NUP210L: variants seen among roughly 807,000 people sequenced by gnomAD.
NUP210L encodes the protein nucleoporin 210 like.
NUP210L carries 74 observed loss-of-function variants against 208.5 expected under a neutral mutation model. That is an observed-to-expected ratio of 0.35 (90% CI 0.29 to 0.43). The LOEUF (loss-of-function observed/expected upper bound fraction) is 0.43. Among genes scored for constraint, NUP210L ranks in the 20% least tolerant of loss-of-function variants. The probability of loss-of-function intolerance (pLI) is 1.00; values close to 1 mark genes in which losing one functional copy is unlikely to be tolerated. For missense variants in NUP210L, 1,843 were observed against 2,289.4 expected (o/e 0.81, Z 3.98); for synonymous variants, 780 against 816.9 (o/e 0.95, Z 0.77).
At chr1:154,069,250 T>C (rs1329130937) in intron 17 of NUP210L, among the ~76,000 whole-genome samples, 2 of 151,928 alleles carry the variant, frequency 1.3e-5, no homozygotes, top group Middle Eastern at 3.2e-3. Context: ...ACCATCAGAG[T>C]GAACAGGCAA....
chr1:154,027,133 A>G (rs1651941973), intron 29 of NUP210L, among the ~76,000 whole-genome samples: 1 of 151,570 alleles, frequency 6.6e-6, no homozygotes, highest in African/African-American at 2.4e-5. Flanking sequence ...AACGTTGCAT[A>G]CTGTATGATT....
chr1:154,152,442 G>A (rs1014268739), intron 2 of NUP210L, among the ~76,000 whole-genome samples: 2 of 151,700 alleles, frequency 1.3e-5, no homozygotes, highest in African/African-American at 4.8e-5. Flanking sequence ...CCAAAGTGGG[G>A]GGATTACAGG....
chr1:154,100,207 T>C lies in NUP210L; in HGVS notation c.1820-64A>G. Reference sequence around the variant, plus strand: ...GCTCAGGCTTGTAATCCCAGCACTTTGGGAGGCCAAGGCAGGAAGATTGCT... The same window carrying C: ...GCTCAGGCTTGTAATCCCAGCACTTCGGGAGGCCAAGGCAGGAAGATTGCT... On this transcript the variant is annotated intron_variant, in intron 13 of 39. Transcript: ENST00000368559. The C allele has an allele frequency of 2.6e-6, 4 of 1,517,610 alleles. No individual in the cohort carries two copies. The South Asian group carries it at 4.6e-5, about 17-fold the overall frequency. 94.0% of individuals were successfully genotyped at this position (1,517,610 alleles called of 1,614,324 possible). A position where few individuals can be genotyped will look rare whatever the true frequency, so the allele number is the denominator to read the frequency against.
At chr1:154,107,691 G>A (rs965901890) in intron 12 of NUP210L, among the ~76,000 whole-genome samples, 5 of 151,658 alleles carry the variant, frequency 3.3e-5, no homozygotes, top group Non-Finnish European at 7.4e-5. Flanking sequence ...CACAGTGAAA[G>A]CCTGTCTCTA....
intron 5 of NUP210L, 39 bp from the exon 6 acceptor site, chr1:154,138,277 A>T: frequency 6.6e-7 from 1 of 1,513,862 alleles, no homozygotes; most frequent in Non-Finnish European, 8.8e-7. Context: ...AACAGTTTCC[A>T]TGGACGGAAC....
chr1:154,149,904 TC>T (rs1436971468), intron 2 of NUP210L, among the ~76,000 whole-genome samples: 1 of 152,168 alleles, frequency 6.6e-6, no homozygotes, highest in Non-Finnish European at 1.5e-5. Context: ...AACCAGTTCT[TC>T]ATCTGCCCTG....
intron 21 of NUP210L, 65 bp downstream of exon 21, chr1:154,058,500 T>C: frequency 6.4e-7 from 1 of 1,552,680 alleles, no homozygotes; most frequent in Non-Finnish European, 8.7e-7. Context: ...GAGACTATAT[T>C]AAGGAATGCT....
intron 12 of NUP210L, among the ~76,000 whole-genome samples, chr1:154,113,703 C>CA (rs1193248450): frequency 6.6e-6 from 1 of 151,148 alleles, no homozygotes; most frequent in East Asian, 1.9e-4. Flanking sequence ...ACTAAAAATA[C>CA]AAAAATTAGC....
chr1:154,081,439 A>T (rs778800987), intron 16 of NUP210L, among the ~76,000 whole-genome samples: 30 of 152,104 alleles, frequency 2.0e-4, no homozygotes, highest in Admixed American at 3.3e-4. Context: ...GAGTAATAGG[A>T]TTGTGTCTGT....
Position 154,070,213 on chromosome 1 carries a change from AAAAC to A in NUP210L, c.2554+56_2554+59del, listed in dbSNP as rs1015752609. On this transcript the variant is annotated intron_variant, in intron 17 of 39. Transcript: ENST00000368559. ...CTTAAAGCAAAAAACAAAACAAAAC[AAAAC>A]AAACAAACAAAAAAACACTCAGGTA... 1.0e-4 allele frequency: 140 copies of A among 1,375,584 alleles called. No individual in the cohort carries two copies. The African/African-American group carries it at 1.1e-3, about 10-fold the overall frequency. The allele number at this position is 1,375,584 out of a possible 1,614,324, so 85.2% of individuals were successfully genotyped here. A position where few individuals can be genotyped will look rare whatever the true frequency, so the allele number is the denominator to read the frequency against.
At chr1:154,154,733 C>A in intron 1 of NUP210L, 109 bp downstream of exon 1, 1 of 884,176 alleles carries the variant, frequency 1.1e-6, no homozygotes, top group Non-Finnish European at 1.8e-6. Context: ...GGCTAGGCCC[C>A]TTCACGCGGC....
At chr1:154,091,505 T>TC (rs1409156909) in intron 15 of NUP210L, among the ~76,000 whole-genome samples, 1 of 149,024 alleles carries the variant, frequency 6.7e-6, no homozygotes, top group African/African-American at 2.5e-5. Context: ...TCTTTTCTTT[T>TC]TTTTTTTTTT....
At chr1:154,045,127 T>C (rs1475771503) in intron 27 of NUP210L, among the ~76,000 whole-genome samples, 1 of 152,072 alleles carries the variant, frequency 6.6e-6, no homozygotes, top group African/African-American at 2.4e-5. Context: ...GTCGTTGATA[T>C]AAGACACCCA....
At chr1:154,012,195 A>C (rs1571165683) in intron 34 of NUP210L, 49 bp downstream of exon 34, 1 of 1,585,846 alleles carries the variant, frequency 6.3e-7, no homozygotes, top group Non-Finnish European at 8.6e-7. Flanking sequence ...AATTGAGGGA[A>C]AACGAGAAAG....
At chr1:154,008,483 C>T (rs1571160687) in intron 35 of NUP210L, among the ~76,000 whole-genome samples, 3 of 151,990 alleles carry the variant, frequency 2.0e-5, no homozygotes, top group African/African-American at 7.2e-5. Flanking sequence ...CTGAGGCAGG[C>T]GGATCACGAG....
chr1:154,015,743 A>AC (rs1340668018), intron 33 of NUP210L, among the ~76,000 whole-genome samples: 203 of 150,564 alleles, frequency 1.3e-3, no homozygotes, highest in African/African-American at 4.8e-3. Flanking sequence ...ACACACACAC[A>AC]CACACACCCC....
chr1:154,079,121 T>A (rs995235860), intron 16 of NUP210L, among the ~76,000 whole-genome samples: 5 of 152,012 alleles, frequency 3.3e-5, no homozygotes, highest in Non-Finnish European at 5.9e-5. Context: ...TAGTCAGGCA[T>A]GGTGCCTCAT....
intron 27 of NUP210L, among the ~76,000 whole-genome samples, chr1:154,035,014 G>A (rs1652455043): frequency 2.0e-5 from 3 of 151,852 alleles, no homozygotes; most frequent in Admixed American, 2.0e-4. Flanking sequence ...GCTAATTTTT[G>A]TATTTTTAGT....
chr1:154,010,449 C>T (rs12408260), intron 34 of NUP210L, among the ~76,000 whole-genome samples: 43,240 of 151,932 alleles, frequency 0.28, 6,489 homozygotes, highest in Admixed American at 0.39. Flanking sequence ...TTTTGGCTCA[C>T]TGCAACTTCC....
Sources: gnomAD v4.1 joint callset for allele counts (sites outside exome capture counted in the v4.1 genomes callset) on GRCh38, gnomAD v4.1.1 for gene constraint, MANE v1.5 for transcripts, NCBI Gene and HGNC (gene_info 2026-07-23, HGNC 2026-07-21) for gene names.